STK3: variants seen among roughly 807,000 people sequenced by gnomAD.
The protein encoded by STK3 is serine/threonine kinase 3.
STK3 carries 41 observed loss-of-function variants against 58.0 expected under a neutral mutation model. That is an observed-to-expected ratio of 0.71 (90% CI 0.55 to 0.92). STK3 has a LOEUF of 0.92. STK3 is among the 40% of genes least tolerant of loss of function. STK3 has a pLI of 0.00. For missense variants in STK3, 479 were observed against 602.7 expected (o/e 0.79, Z 2.15); for synonymous variants, 170 against 191.0 (o/e 0.89, Z 0.91).
the STK3 span, among the ~76,000 whole-genome samples, chr8:98,346,687 G>C: frequency 6.6e-6 from 1 of 151,640 alleles, no homozygotes; most frequent in Non-Finnish European, 1.5e-5. Context: ...TATCAATCTA[G>C]AATACTATAC....
intron 6 of STK3, among the ~76,000 whole-genome samples, chr8:98,643,908 A>G (rs1237957199): frequency 3.9e-5 from 6 of 152,070 alleles, no homozygotes; most frequent in African/African-American, 1.4e-4. Context: ...ACTCAGGTCA[A>G]TGTGGGCTGA....
chr8:98,483,105 T>C (rs1005372561), intron 10 of STK3, among the ~76,000 whole-genome samples: 2 of 152,180 alleles, frequency 1.3e-5, no homozygotes, highest in African/African-American at 2.4e-5. Context: ...CCATGACCTA[T>C]GTATTTCATT....
chr8:98,743,200 T>C (rs968357780), intron 4 of STK3, among the ~76,000 whole-genome samples: 1 of 150,726 alleles, frequency 6.6e-6, no homozygotes, highest in Admixed American at 6.6e-5. Context: ...AAGCTACCAA[T>C]GACTTTCTTC....
chr8:98,568,642 A>G (rs1034865288), intron 8 of STK3, among the ~76,000 whole-genome samples: 3 of 152,204 alleles, frequency 2.0e-5, no homozygotes, highest in Non-Finnish European at 4.4e-5. Context: ...CAAGGCAGGG[A>G]GCAAAAGATA....
chr8:98,691,512 ATGGGGACAAC>A (rs1472038344), intron 6 of STK3, among the ~76,000 whole-genome samples: 2 of 152,176 alleles, frequency 1.3e-5, no homozygotes, highest in Non-Finnish European at 2.9e-5. Context: ...AGAAAGTGAT[ATGGGGACAAC>A]TGGAAAGACA....
chr8:98,686,524 T>G (rs1383158735), intron 6 of STK3, among the ~76,000 whole-genome samples: 1 of 152,158 alleles, frequency 6.6e-6, no homozygotes, highest in Non-Finnish European at 1.5e-5. Flanking sequence ...GCTAAAAGAT[T>G]CATTAAAAAT....
chr8:98,907,605 TG>T (rs2131972045), intron 1 of STK3, among the ~76,000 whole-genome samples: 1 of 152,368 alleles, frequency 6.6e-6, no homozygotes, highest in South Asian at 2.1e-4. Context: ...CTTCCTGAAT[TG>T]TTTTTAAGCA....
chr8:98,576,087 C>T (rs774508938), intron 8 of STK3, among the ~76,000 whole-genome samples: 16 of 152,180 alleles, frequency 1.1e-4, no homozygotes, highest in Non-Finnish European at 1.9e-4. Flanking sequence ...TTTGATAAAA[C>T]ATAGGGGTCT....
chr8:98,932,106 G>A (rs942329811), intron 1 of STK3, among the ~76,000 whole-genome samples: 1 of 152,134 alleles, frequency 6.6e-6, no homozygotes, highest in African/African-American at 2.4e-5. Flanking sequence ...ATTAACAGTG[G>A]AAAATGGAAG....
At chr8:98,415,495 A>G (rs961350146) in intron 3 of STK3, among the ~76,000 whole-genome samples, 4 of 152,196 alleles carry the variant, frequency 2.6e-5, no homozygotes, top group South Asian at 2.1e-4. Context: ...ACATCTTCTC[A>G]TCTCCTTCCC....
At chr8:98,614,236 A>G (rs1036758650) in intron 6 of STK3, among the ~76,000 whole-genome samples, 1 of 152,226 alleles carries the variant, frequency 6.6e-6, no homozygotes, top group Admixed American at 6.5e-5. Flanking sequence ...ATTACTTTCA[A>G]GTAATCATGG....
chr8:98,630,029 C>A (rs1819059897), intron 6 of STK3, among the ~76,000 whole-genome samples: 1 of 152,152 alleles, frequency 6.6e-6, no homozygotes, highest in Non-Finnish European at 1.5e-5. Flanking sequence ...TCTAAGCCTC[C>A]TTACCCTGCC....
downstream of STK3, chr8:98,880,591 C>T (rs977218035): frequency 2.0e-5 from 3 of 151,976 alleles, no homozygotes; most frequent in African/African-American, 7.3e-5. Context: ...AATCAAACTC[C>T]ATTAAGAAAA....
At chr8:98,930,043 TA>T (rs1839950343) in intron 1 of STK3, among the ~76,000 whole-genome samples, 1 of 152,226 alleles carries the variant, frequency 6.6e-6, no homozygotes. Context: ...TCAAAATTAT[TA>T]AGATCTTGAG....
At chr8:98,609,709 C>A (rs1196349342) in intron 6 of STK3, among the ~76,000 whole-genome samples, 3 of 152,062 alleles carry the variant, frequency 2.0e-5, no homozygotes, top group Admixed American at 6.6e-5. Context: ...GCCTGTAATC[C>A]CAGCACTTTG....
chr8:98,409,994 TG>T (rs1818036706), intron 3 of STK3, among the ~76,000 whole-genome samples: 1 of 152,254 alleles, frequency 6.6e-6, no homozygotes, highest in Non-Finnish European at 1.5e-5. Flanking sequence ...GCCATTGAAC[TG>T]GTCTAATTTA....
chr8:98,834,494 T>C (rs2131791961), intron 3 of STK3, among the ~76,000 whole-genome samples: 1 of 152,356 alleles, frequency 6.6e-6, no homozygotes, highest in Non-Finnish European at 1.5e-5. Context: ...CAGAACGTTA[T>C]AATCAATTAA....
At chr8:98,407,466 C>G (rs945886132) in intron 3 of STK3, among the ~76,000 whole-genome samples, 19 of 152,196 alleles carry the variant, frequency 1.2e-4, no homozygotes, top group African/African-American at 4.6e-4. Context: ...AAACGCCATG[C>G]GTAAGTCAGC....
chr8:98,888,712 A>C (rs1255790384), intron 1 of STK3, among the ~76,000 whole-genome samples: 1 of 152,158 alleles, frequency 6.6e-6, no homozygotes, highest in Non-Finnish European at 1.5e-5. Flanking sequence ...TAGGTTAGAA[A>C]CCCAATTTTC....
Sources: gnomAD v4.1 joint callset for allele counts (sites outside exome capture counted in the v4.1 genomes callset) on GRCh38, gnomAD v4.1.1 for gene constraint, MANE v1.5 for transcripts, NCBI Gene and HGNC (gene_info 2026-07-23, HGNC 2026-07-21) for gene names.